SMYD3: variants seen among roughly 807,000 people sequenced by gnomAD.
SMYD3 encodes the protein histone-lysine N-methyltransferase SMYD3.
SMYD3 carries 36 observed loss-of-function variants against 57.7 expected under a neutral mutation model. The observed-to-expected ratio is 0.62, with a 90% CI of 0.48 to 0.82. The LOEUF is 0.82. Among genes scored for constraint, SMYD3 ranks in the 40% least tolerant of loss-of-function variants. The pLI is 0.00. For missense variants in SMYD3, 515 were observed against 538.8 expected, an observed-to-expected ratio of 0.96 and a Z score of 0.44; for synonymous variants, 211 against 195.0, an observed-to-expected ratio of 1.08 and a Z score of -0.68.
intron 5 of SMYD3, among the ~76,000 whole-genome samples, chr1:246,260,447 T>TTTTG (rs559637661): frequency 6.6e-6 from 1 of 151,806 alleles, no homozygotes; most frequent in South Asian, 2.1e-4. Context: ...TGTTGTTGTT[T>TTTTG]TTTGTTTGTT....
intron 1 of SMYD3, among the ~76,000 whole-genome samples, chr1:246,446,243 A>AAT (rs1409147754): frequency 1.3e-5 from 2 of 152,224 alleles, no homozygotes; most frequent in African/African-American, 4.8e-5. Context: ...TGTGAAGCAG[A>AAT]ATATATCACT....
At chr1:245,952,641 A>G (rs529929432) in intron 5 of SMYD3, among the ~76,000 whole-genome samples, 2 of 152,272 alleles carry the variant, frequency 1.3e-5, no homozygotes, top group East Asian at 1.9e-4. Context: ...AGCTCCCCAA[A>G]TGCTCCTGTT....
At chr1:246,348,824 G>A (rs925548570) in intron 2 of SMYD3, among the ~76,000 whole-genome samples, 6 of 151,996 alleles carry the variant, frequency 3.9e-5, no homozygotes, top group African/African-American at 1.2e-4. Context: ...ATTACTCAGT[G>A]TCAGTTATTC....
At chr1:246,146,506 G>A (rs996718387) in intron 5 of SMYD3, among the ~76,000 whole-genome samples, 6 of 152,210 alleles carry the variant, frequency 3.9e-5, no homozygotes, top group Admixed American at 3.9e-4. Context: ...TCCTTCAGCA[G>A]TTAAAGAGGA....
chr1:246,141,429 T>C (rs1223455323), intron 5 of SMYD3, among the ~76,000 whole-genome samples: 1 of 152,118 alleles, frequency 6.6e-6, no homozygotes, highest in African/African-American at 2.4e-5. Context: ...TTATCATTTG[T>C]ACGGATATTC....
intron 5 of SMYD3, among the ~76,000 whole-genome samples, chr1:246,317,937 G>A (rs986315047): frequency 2.6e-5 from 4 of 152,008 alleles, no homozygotes; most frequent in Non-Finnish European, 5.9e-5. Context: ...AATTAATATA[G>A]TTATTCATCA....
intron 10 of SMYD3, among the ~76,000 whole-genome samples, chr1:245,845,472 A>G (rs1408244376): frequency 6.6e-6 from 1 of 152,190 alleles, no homozygotes; most frequent in Non-Finnish European, 1.5e-5. Context: ...CACACAGGGG[A>G]ACTGGAGAAC....
chr1:246,348,970 C>A (rs749096844), intron 2 of SMYD3, among the ~76,000 whole-genome samples: 15 of 152,058 alleles, frequency 9.9e-5, no homozygotes, highest in African/African-American at 3.6e-4. Context: ...AATTACTAAT[C>A]TAGAATTCTG....
chr1:246,429,272 A>G (rs924754609), intron 1 of SMYD3, among the ~76,000 whole-genome samples: 2 of 152,104 alleles, frequency 1.3e-5, no homozygotes, highest in Non-Finnish European at 2.9e-5. Flanking sequence ...ATACAACTCT[A>G]AGAAAGGGAA....
At chr1:246,148,222 C>T (rs2061887477) in intron 5 of SMYD3, among the ~76,000 whole-genome samples, 1 of 152,150 alleles carries the variant, frequency 6.6e-6, no homozygotes, top group South Asian at 2.1e-4. Flanking sequence ...CCATAAAAGC[C>T]TCAGGCTCAG....
At position 246,316,549 on chromosome 1, in the gene SMYD3, T is replaced by G. The variant is rs866937809; in HGVS notation, c.531+10652A>C. Among the ~76,000 whole-genome samples, 1,056 of 145,786 alleles carry G rather than the reference T, an allele frequency of 7.2e-3. 16 individuals are homozygous for G. The highest frequency in any genetic ancestry group is 0.025 in the African/African-American group (990 of 39,874). ...TAATTTTTGTTGTTTTGGTTTTTTT[T>G]TTTTTTTTTTTTGTAGAGACGGAGT... On this transcript the variant is annotated intron_variant, in intron 5 of 11. Coordinates refer to ENST00000490107, the MANE Select transcript of SMYD3 (RefSeq NM_001167740.2).
chr1:245,949,347 G>A (rs910254844), intron 5 of SMYD3, among the ~76,000 whole-genome samples: 6 of 152,128 alleles, frequency 3.9e-5, no homozygotes, highest in African/African-American at 7.2e-5. Flanking sequence ...TGGTGCGCCC[G>A]GGGTCCCTGT....
intron 5 of SMYD3, among the ~76,000 whole-genome samples, chr1:246,030,032 A>G (rs2059644349): frequency 6.7e-6 from 1 of 150,236 alleles, no homozygotes; most frequent in Non-Finnish European, 1.5e-5. Context: ...TTTACAAAAG[A>G]AAGGAAATCA....
At chr1:245,803,865 C>T (rs1326487479) in intron 10 of SMYD3, among the ~76,000 whole-genome samples, 1 of 151,638 alleles carries the variant, frequency 6.6e-6, no homozygotes, top group Non-Finnish European at 1.5e-5. Context: ...TGGATCCAAC[C>T]AGGCTTGAGG....
At chr1:246,118,086 C>G (rs1038925781) in intron 5 of SMYD3, among the ~76,000 whole-genome samples, 1 of 151,984 alleles carries the variant, frequency 6.6e-6, no homozygotes, top group Non-Finnish European at 1.5e-5. Context: ...ATATACTGAG[C>G]AAAATTCTCT....
chr1:245,827,364 T>C (rs1287115429), intron 10 of SMYD3, among the ~76,000 whole-genome samples: 1 of 152,180 alleles, frequency 6.6e-6, no homozygotes, highest in Non-Finnish European at 1.5e-5. Context: ...GTGGCTGCGC[T>C]GCCCATTAGC....
intron 10 of SMYD3, among the ~76,000 whole-genome samples, chr1:245,828,195 A>C (rs2049614511): frequency 6.6e-6 from 1 of 152,214 alleles, no homozygotes. Context: ...CTTGCTCCTT[A>C]AGACGGGCCA....
chr1:246,362,739 C>G (rs1201337622), intron 1 of SMYD3, among the ~76,000 whole-genome samples: 2 of 152,392 alleles, frequency 1.3e-5, no homozygotes, highest in Non-Finnish European at 2.9e-5. Flanking sequence ...GCAGGGATTG[C>G]AGACGGAGTC....
Position 245,980,133 on chromosome 1 carries a change from G to A in SMYD3, c.532-50196C>T, listed in dbSNP as rs115167532. 6.2e-3 allele frequency among the ~76,000 whole-genome samples: 938 copies of A among 152,320 alleles called. 10 individuals are homozygous for A. Among genetic ancestry groups the A allele is most frequent in the African/African-American group, 0.022 (895 of 41,572 alleles). ...ACTGGGAAGCCTGCTGAATTACAAC[G>A]AGGGGGAGAACTCAGCAACCCAAGC... On this transcript the variant is annotated intron_variant, in intron 5 of 11. Transcript: ENST00000490107.
Sources: allele counts gnomAD v4.1 joint callset (sites outside exome capture counted in the v4.1 genomes callset), GRCh38; gene constraint gnomAD v4.1.1; transcripts MANE v1.5; gene names NCBI Gene and HGNC (gene_info 2026-07-23, HGNC 2026-07-21).